The following PRDM10 variants were observed in gnomAD, a reference collection of about 807,000 sequenced individuals.
PRDM10 encodes the protein PR domain zinc finger protein 10.
A neutral mutation model predicts 133.1 loss-of-function variants in PRDM10; 65 were observed. The ratio of observed to expected loss-of-function variants is 0.49; its 90% confidence interval spans 0.40 to 0.60. PRDM10 has a LOEUF of 0.60. Ranked by LOEUF, PRDM10 falls within the 20% of genes least tolerant of loss-of-function variation. The probability of loss-of-function intolerance (pLI) is 0.00; values close to 1 mark genes in which losing one functional copy is unlikely to be tolerated. For synonymous variants in PRDM10, 582 were observed against 580.4 expected (o/e 1.00, Z -0.04); for missense variants, 1,137 against 1,507.1 (o/e 0.75, Z 4.07).
intron 7 of PRDM10, among the ~76,000 whole-genome samples, chr11:129,940,658 A>G (rs1951177787): frequency 1.3e-5 from 2 of 152,214 alleles, no homozygotes; most frequent in South Asian, 4.1e-4. Flanking sequence ...ACCTATCAAC[A>G]CATCATGTAG....
intron 8 of PRDM10, among the ~76,000 whole-genome samples, chr11:129,936,572 GA>G (rs1265046850): frequency 1.3e-5 from 2 of 152,078 alleles, no homozygotes; most frequent in Admixed American, 6.5e-5. Flanking sequence ...AGAATGGCGT[GA>G]GCCCGGGAGG....
At chr11:129,916,611 T>G (rs10750424) in intron 15 of PRDM10, among the ~76,000 whole-genome samples, 93,148 of 152,108 alleles carry the variant, frequency 0.61, 30,802 homozygotes, top group African/African-American at 0.88. Flanking sequence ...CTCCAGCCTG[T>G]GTAACAGAGC....
rs1353161481 is a variant in PRDM10, at chr11:129,947,609, C to T, written c.295-239G>A. The T allele has an allele frequency of 2.2e-6, 3 of 1,353,220 alleles. No individual in the cohort carries two copies. The highest frequency in any genetic ancestry group is 2.9e-5 in the African/African-American group (2 of 67,922). 83.8% of individuals were successfully genotyped at this position (1,353,220 alleles called of 1,614,324 possible). ...CCCTCCCTCTGCCCCTTCTGTCCCA[C>T]ACCTGGGAGGGCTGCTAAGAAGGCT... is the stretch of plus-strand genomic sequence containing the variant. On this transcript the variant is annotated intron_variant, in intron 4 of 20. Coordinates refer to ENST00000360871, the MANE Select transcript of PRDM10 (RefSeq NM_199437.2). The surrounding 1 kb of genome is among the most constrained non-coding windows in gnomAD (Gnocchi z 4.6).
rs144096886 is a variant in PRDM10, at chr11:129,911,252, A to G, written c.2983-596T>C. 5.0e-3 allele frequency among the ~76,000 whole-genome samples: 763 copies of G among 152,358 alleles called. 7 individuals are homozygous for G. The highest frequency in any genetic ancestry group is 7.3e-3 in the Non-Finnish European group (495 of 68,022). The stretch of plus-strand genomic sequence containing the variant: ...AAGAAAATATAATTACCTACATTCT[A>G]TAAGTTTAAAAATAATGGGAGGTGA... On this transcript the variant is annotated intron_variant, in intron 18 of 20. Transcript: ENST00000360871.
intron 4 of PRDM10, among the ~76,000 whole-genome samples, chr11:129,952,130 G>A (rs998229153): frequency 6.6e-6 from 1 of 152,214 alleles, no homozygotes; most frequent in African/African-American, 2.4e-5. Flanking sequence ...AGGGTTTGTG[G>A]AGCTGAGTAC....
In PRDM10 at chr11:129,918,648, C is replaced by A; in HGVS notation, c.2105G>T (p.Arg702Leu). Reference protein sequence around the residue: ...NPEREAKKADRISRSKTFKPR... With the variant: ...NPEREAKKADLISRSKTFKPR... Reference sequence around the variant, plus strand: ...CTTGAACGTCTTGGAGCGGCTGATGCGGTCGGCTTTCTTGGCCTCCCTCTC... The same window carrying A: ...CTTGAACGTCTTGGAGCGGCTGATGAGGTCGGCTTTCTTGGCCTCCCTCTC... Residue 702 changes from arginine to leucine, a missense_variant, in exon 14 of 21, where the codon CGC becomes CTC. This residue lies in a region of PRDM10 where 78 missense variants were observed against 96.4 expected (regional missense o/e 0.81). Transcript: ENST00000360871. This position sits in a 1 kb window ranked among gnomAD's most constrained non-coding sequence, Gnocchi z 5.3. 1 of 1,614,080 alleles carries A rather than the reference C, an allele frequency of 6.2e-7. No homozygotes were observed. The highest frequency in any genetic ancestry group is 8.5e-7 in the Non-Finnish European group (1 of 1,179,956).
Position 129,957,860 on chromosome 11 carries a change from A to G in PRDM10, c.120T>C (p.Asp40=), listed in dbSNP as rs756902108. The change falls in exon 3 of 21, where the codon GAT becomes GAC. Residue 40 remains aspartate (D), a synonymous_variant. Transcript: ENST00000360871. ...CCTGCTGTGGGGGGCGAACCTGGTC[A>G]TCGGTATAGACAATCTGAGCCACTG... ...TGTVAQIVYT[D]DQVRPPQQVV... is the part of the protein sequence containing the mutation. 1.9e-6 allele frequency: 3 copies of G among 1,614,080 alleles called. No homozygotes were observed. Among genetic ancestry groups the G allele is most frequent in the African/African-American group, 1.3e-5 (1 of 75,056 alleles).
intron 20 of PRDM10, among the ~76,000 whole-genome samples, chr11:129,903,631 C>G (rs1949915699): frequency 6.6e-6 from 1 of 152,128 alleles, no homozygotes; most frequent in Non-Finnish European, 1.5e-5. Flanking sequence ...AGCTACAGCA[C>G]AGAGGAAGAG....
At position 129,924,893 on chromosome 11, in the gene PRDM10, C is replaced by T; in HGVS notation, c.1867G>A (p.Asp623Asn). Residue 623 changes from aspartate to asparagine, a missense_variant, in exon 12 of 21, where the codon GAT becomes AAT. By Grantham distance (23) the Asp-to-Asn change is conservative. Transcript: ENST00000360871. Reference sequence around the variant, plus strand: ...TAGTAGACACTCACCTGGATAAAATCTGGGAACCGTTTCTTACAAGTTGGG... The same window carrying T: ...TAGTAGACACTCACCTGGATAAAATTTGGGAACCGTTTCTTACAAGTTGGG... Reference protein sequence around the residue: ...TCPTCKKRFPDFIQVKKHVRS... With the variant: ...TCPTCKKRFPNFIQVKKHVRS... 6.2e-7 allele frequency: 1 copy of T among 1,601,344 alleles called. No individual in the cohort carries two copies. The highest frequency in any genetic ancestry group is 8.5e-7 in the Non-Finnish European group (1 of 1,174,140).
At chr11:129,927,482 A>G (rs1950719734) in intron 11 of PRDM10, among the ~76,000 whole-genome samples, 1 of 152,188 alleles carries the variant, frequency 6.6e-6, no homozygotes, top group Non-Finnish European at 1.5e-5. Flanking sequence ...CACAATGCAC[A>G]TTGACTGTGG....
intron 2 of PRDM10, among the ~76,000 whole-genome samples, chr11:129,959,822 A>C (rs1466342289): frequency 6.6e-6 from 1 of 152,032 alleles, no homozygotes; most frequent in African/African-American, 2.4e-5. Context: ...TCTGTCACCC[A>C]GGCTAGAGTG....
chr11:129,954,667 T>C (rs887295888), intron 4 of PRDM10, among the ~76,000 whole-genome samples: 2 of 151,386 alleles, frequency 1.3e-5, no homozygotes, highest in African/African-American at 4.9e-5. Context: ...AGTAAACCTA[T>C]TTGGTTTTTG....
intron 19 of PRDM10, among the ~76,000 whole-genome samples, chr11:129,909,654 T>TTA (rs1950124556): frequency 6.6e-6 from 1 of 152,192 alleles, no homozygotes; most frequent in South Asian, 2.1e-4. Context: ...CTGAGGTCTG[T>TTA]TAAAGTCTAC....
chr11:129,907,790 T>C (rs1202724154), intron 19 of PRDM10, among the ~76,000 whole-genome samples: 3 of 152,034 alleles, frequency 2.0e-5, no homozygotes, highest in Non-Finnish European at 4.4e-5. Context: ...TATTTGTGGG[T>C]ATTAAAGAAT....
At position 129,947,651 on chromosome 11, in the gene PRDM10, T is replaced by C; in HGVS notation, c.295-281A>G. On this transcript the variant is annotated intron_variant, in intron 4 of 20. Transcript: ENST00000360871. The surrounding 1 kb of genome is among the most constrained non-coding windows in gnomAD (Gnocchi z 4.6). ...AAGAAGGCTCAGGTGCTCCCTCCTT[T>C]GGCAGCAGTGGGAGAGTCAACACTG... 1 of 990,662 alleles carries C rather than the reference T, an allele frequency of 1.0e-6. No homozygotes were observed. The highest frequency in any genetic ancestry group is 3.4e-4 in the Middle Eastern group (1 of 2,912). The allele number at this position is 990,662 out of a possible 1,614,324, so 61.4% of individuals were successfully genotyped here.
At chr11:129,979,152 A>G (rs960972662) in intron 1 of PRDM10, among the ~76,000 whole-genome samples, 2 of 152,182 alleles carry the variant, frequency 1.3e-5, no homozygotes, top group African/African-American at 4.8e-5. Context: ...TGTGAAGGTA[A>G]TTTCACAAAG....
At position 129,945,015 on chromosome 11, in the gene PRDM10, G is replaced by A; in HGVS notation, c.521-3C>T. Reference sequence around the variant, plus strand: ...CGCGTTATTGCACTCCTCACACCCTGCAAAAGAGAGACAGTCTTGAAGAAA... The same window carrying A: ...CGCGTTATTGCACTCCTCACACCCTACAAAAGAGAGACAGTCTTGAAGAAA... On this transcript the variant is annotated splice_region_variant and splice_polypyrimidine_tract_variant and intron_variant, in intron 5 of 20. Transcript: ENST00000360871. This position sits in a 1 kb window ranked among gnomAD's most constrained non-coding sequence, Gnocchi z 4.2. 6.2e-7 allele frequency: 1 copy of A among 1,609,614 alleles called. No individual in the cohort carries two copies. Among genetic ancestry groups the A allele is most frequent in the South Asian group, 1.1e-5 (1 of 90,246 alleles).
rs950682039 is a variant in PRDM10, at chr11:129,910,634, G to A, written c.3005C>T (p.Pro1002Leu). 1 of 1,589,784 alleles carries A rather than the reference G, an allele frequency of 6.3e-7. No homozygotes were observed. The stretch of plus-strand genomic sequence containing the variant: ...CCCCTGCTGAGCCTGCTGGGCTGAG[G>A]GACTCAACGGCTGCCCAGATACCTG... Reference protein sequence around the residue: ...SAQVSGQPLSPSAQQAQQGLS... With the variant: ...SAQVSGQPLSLSAQQAQQGLS... Residue 1002 changes from proline (P) to leucine (L), a missense_variant, in exon 19 of 21, where the codon CCC (proline) becomes CTC (leucine). By Grantham distance (98) the Pro-to-Leu change is moderately conservative. This residue lies in a region of PRDM10 where 243 missense variants were observed against 259.2 expected (regional missense o/e 0.94). Transcript: ENST00000360871.
intron 10 of PRDM10, among the ~76,000 whole-genome samples, chr11:129,931,895 G>A (rs190364474): frequency 3.7e-4 from 57 of 152,302 alleles, no homozygotes; most frequent in African/African-American, 1.3e-3. Flanking sequence ...AATCTTTAGA[G>A]CAGCAAAGTT....
Sources: gnomAD v4.1 joint callset for allele counts (sites outside exome capture counted in the v4.1 genomes callset) on GRCh38, gnomAD v4.1.1 for gene constraint, gnomAD v4.1.1 regional missense constraint, Gnocchi (gnomAD v3.1) non-coding constraint, MANE v1.5 for transcripts, NCBI Gene and HGNC (gene_info 2026-07-23, HGNC 2026-07-21) for gene names.